Variants in MPDZ observed in about 807,000 individuals in gnomAD.
MPDZ encodes the protein multiple PDZ domain crumbs cell polarity complex component.
Under a neutral mutation model 239.1 loss-of-function variants are expected in MPDZ, and 234 were observed. The observed-to-expected ratio is 0.98, with a 90% CI of 0.88 to 1.09. The LOEUF is 1.09. Among genes scored for constraint, MPDZ ranks in the 50% least tolerant of loss-of-function variants. MPDZ has a pLI of 0.00. For missense variants in MPDZ, 3,175 were observed against 2,510.0 expected (o/e 1.26, Z -5.66); for synonymous variants, 1,048 against 881.3 (o/e 1.19, Z -3.35).
intron 18 of MPDZ, among the ~76,000 whole-genome samples, chr9:13,185,283 T>C (rs1953942248): frequency 6.6e-6 from 1 of 152,022 alleles, no homozygotes; most frequent in Non-Finnish European, 1.5e-5. Context: ...TTTAAAAATA[T>C]TAGCAAAAGG....
At chr9:13,203,834 G>C (rs1956683664) in intron 12 of MPDZ, among the ~76,000 whole-genome samples, 1 of 151,582 alleles carries the variant, frequency 6.6e-6, no homozygotes. Flanking sequence ...AAGCAAAATA[G>C]ATGGTTCTGC....
intron 11 of MPDZ, 103 bp downstream of exon 11, chr9:13,205,813 G>T: frequency 1.9e-6 from 2 of 1,080,426 alleles, no homozygotes; most frequent in Non-Finnish European, 2.6e-6. Context: ...AAAGCATTCT[G>T]AATAATTAAG....
chr9:13,195,970 ATTACC>A, intron 13 of MPDZ, 146 bp downstream of exon 13: 1 of 500,998 alleles, frequency 2.0e-6, no homozygotes, highest in Non-Finnish European at 3.5e-6. Context: ...AATTTTTTTT[ATTACC>A]TGGATCACCA....
chr9:13,130,412 T>G (rs899059344), intron 32 of MPDZ, among the ~76,000 whole-genome samples: 33 of 151,902 alleles, frequency 2.2e-4, no homozygotes, highest in African/African-American at 7.5e-4. Flanking sequence ...CCCTTATGCA[T>G]GTACGGCACA....
intron 3 of MPDZ, among the ~76,000 whole-genome samples, chr9:13,228,935 G>A (rs1047096254): frequency 2.6e-5 from 4 of 152,060 alleles, no homozygotes; most frequent in African/African-American, 9.7e-5. Flanking sequence ...GCTAGCGAAG[G>A]ACACAAACTA....
chr9:13,165,015 A>G (rs576269377), intron 22 of MPDZ, among the ~76,000 whole-genome samples: 1 of 152,304 alleles, frequency 6.6e-6, no homozygotes, highest in African/African-American at 2.4e-5. Context: ...GGACTAGAAG[A>G]AAAAAGAATA....
chr9:13,138,058 T>C lies in MPDZ; in HGVS notation c.4099A>G (p.Asn1367Asp), dbSNP rs370823821. The change falls in exon 29 of 47, where the codon AAC becomes GAC. Residue 1367 changes from asparagine (N) to aspartate (D), a missense_variant. Physicochemically the swap from Asn to Asp is conservative, Grantham distance 23 (BLOSUM62 1). Coordinates refer to ENST00000319217, the MANE Select transcript of MPDZ (RefSeq NM_001378778.1). ...HSGLGLSLAG[N>D]KDRSRMSVFI... is the part of the protein sequence containing the mutation. Reference sequence around the variant, plus strand: ...ACACTCATCCTGGATCGGTCTTTGTTCCCAGCAAGACTTAGGCCCAAACCA... The same window carrying C: ...ACACTCATCCTGGATCGGTCTTTGTCCCCAGCAAGACTTAGGCCCAAACCA... 1.9e-6 allele frequency: 3 copies of C among 1,613,728 alleles called. No individual in the cohort carries two copies. The African/African-American group carries it at 4.0e-5, about 22-fold the overall frequency.
At chr9:13,196,898 T>C (rs922837121) in intron 12 of MPDZ, among the ~76,000 whole-genome samples, 3 of 151,930 alleles carry the variant, frequency 2.0e-5, no homozygotes, top group Admixed American at 6.6e-5. Context: ...GATTTCCATA[T>C]TTCATAACAG....
At chr9:13,277,102 A>C (rs1974388911) in intron 1 of MPDZ, among the ~76,000 whole-genome samples, 1 of 152,198 alleles carries the variant, frequency 6.6e-6, no homozygotes, top group African/African-American at 2.4e-5. Context: ...GGTACATTTA[A>C]ATGCATCTGA....
chr9:13,277,251 A>C (rs1974433764), intron 1 of MPDZ, among the ~76,000 whole-genome samples: 1 of 152,210 alleles, frequency 6.6e-6, no homozygotes, highest in African/African-American at 2.4e-5. Flanking sequence ...AGTGTGGTAA[A>C]GGGACAAAGA....
intron 25 of MPDZ, among the ~76,000 whole-genome samples, chr9:13,149,009 T>G (rs1170620552): frequency 6.6e-6 from 1 of 151,976 alleles, no homozygotes; most frequent in Non-Finnish European, 1.5e-5. Context: ...TCTTTTGCTA[T>G]TTAGGTCAAA....
intron 25 of MPDZ, among the ~76,000 whole-genome samples, chr9:13,149,315 G>T (rs564058102): frequency 6.6e-6 from 1 of 152,106 alleles, no homozygotes; most frequent in East Asian, 1.9e-4. Flanking sequence ...TTAAAGTCAT[G>T]GTTGATATGT....
In MPDZ at chr9:13,216,843, T is replaced by C. The variant is rs1326332149; in HGVS notation, c.1221A>G (p.Val407=). Residue 407 remains valine (V), a synonymous_variant, in exon 10 of 47, where the codon GTA becomes GTG. Transcript: ENST00000319217. ...CGGCACTGCTTTTTGTAATGCTCTTTACAAAGATTCCTGAAGGTTCTAAGA... is the reference window on the plus strand; with the variant it reads ...CGGCACTGCTTTTTGTAATGCTCTTCACAAAGATTCCTGAAGGTTCTAAGA... ...DKKLEPSGIF[V]KSITKSSAVE... The C allele has an allele frequency of 1.2e-6, 2 of 1,609,816 alleles. No individual in the cohort carries two copies. Among genetic ancestry groups the C allele is most frequent in the Admixed American group, 3.4e-5 (2 of 59,688 alleles).
chr9:13,231,127 T>A (rs1360457082), intron 3 of MPDZ, among the ~76,000 whole-genome samples: 1 of 152,046 alleles, frequency 6.6e-6, no homozygotes, highest in African/African-American at 2.4e-5. Flanking sequence ...CAATACTGAT[T>A]AATATAGCAA....
Position 13,216,209 on chromosome 9 carries a change from T to C in MPDZ, c.1290+565A>G, listed in dbSNP as rs372453801. ...AACACTGAAATTAAAGTTGGGCTCT[T>C]CTGTACAGTGCCTTGAATAGCCATG... On this transcript the variant is annotated intron_variant, in intron 10 of 46. Transcript: ENST00000319217. Among the ~76,000 whole-genome samples, 8 of 151,762 alleles carry C rather than the reference T, an allele frequency of 5.3e-5. No individual in the cohort carries two copies. The East Asian group carries it at 1.4e-3, about 26-fold the overall frequency.
chr9:13,243,213 G>C (rs1396984601), intron 3 of MPDZ, among the ~76,000 whole-genome samples: 2 of 151,670 alleles, frequency 1.3e-5, no homozygotes, highest in Non-Finnish European at 2.9e-5. Context: ...ATTATTCTTT[G>C]TATTTTTATT....
In MPDZ at chr9:13,158,129, A is replaced by C. The variant is rs1283476532; in HGVS notation, c.3360-19T>G. The C allele has an allele frequency of 6.3e-7, 1 of 1,591,842 alleles. No homozygotes were observed. Among genetic ancestry groups the C allele is most frequent in the African/African-American group, 1.3e-5 (1 of 74,476 alleles). On this transcript the variant is annotated intron_variant, in intron 23 of 46. Coordinates refer to ENST00000319217, the MANE Select transcript of MPDZ (RefSeq NM_001378778.1). ...AATGTCTCTGGTTAAAGAATTACAC[A>C]ATGAGTACCCCAAAATCCTAGTAAA...
Position 13,188,953 on chromosome 9 carries a change from G to T in MPDZ, c.2195C>A (p.Ser732Tyr). 1 of 1,613,294 alleles carries T rather than the reference G, an allele frequency of 6.2e-7. No homozygotes were observed. ...TTCAGCAATGCCGCCAGGCACCAAA[G>T]AACGAATTATAATCACAGTGCTTGC... ...DPASTVIIIR[S>Y]LVPGGIAEKD... The change falls in exon 17 of 47, where the codon TCT (serine) becomes TAT (tyrosine). Residue 732 changes from serine (S) to tyrosine (Y), a missense_variant. Ser to Tyr is a moderately radical substitution (Grantham distance 144). Coordinates refer to ENST00000319217, the MANE Select transcript of MPDZ (RefSeq NM_001378778.1).
chr9:13,207,379 C>T (rs1164642106), intron 10 of MPDZ, among the ~76,000 whole-genome samples: 1 of 152,102 alleles, frequency 6.6e-6, no homozygotes, highest in Non-Finnish European at 1.5e-5. Context: ...CCAGCCCCAA[C>T]CTCATCTCTC....
Sources: allele counts gnomAD v4.1 joint callset (sites outside exome capture counted in the v4.1 genomes callset), GRCh38; gene constraint gnomAD v4.1.1; transcripts MANE v1.5; gene names NCBI Gene and HGNC (gene_info 2026-07-23, HGNC 2026-07-21).